The following UNC5D variants were observed in gnomAD, a reference collection of about 807,000 sequenced individuals.
The protein encoded by UNC5D is unc-5 netrin receptor D.
UNC5D carries 39 observed loss-of-function variants against 105.4 expected under a neutral mutation model. The ratio of observed to expected loss-of-function variants is 0.37; its 90% CI spans 0.29 to 0.48. The LOEUF is 0.48. Among genes scored for constraint, UNC5D ranks in the 20% least tolerant of loss-of-function variants. The pLI is 0.98. For synonymous variants in UNC5D, 452 were observed against 450.4 expected, an observed-to-expected ratio of 1.00 and a Z score of -0.04; for missense variants, 991 against 1,202.4, an observed-to-expected ratio of 0.82 and a Z score of 2.60.
At chr8:35,301,364 C>A (rs965196261) in intron 1 of UNC5D, among the ~76,000 whole-genome samples, 1 of 152,094 alleles carries the variant, frequency 6.6e-6, no homozygotes, top group African/African-American at 2.4e-5. Flanking sequence ...CTTATTGGTA[C>A]AAATGTTAAG....
At chr8:35,297,324 CCTT>C (rs1323640164) in intron 1 of UNC5D, among the ~76,000 whole-genome samples, 4 of 152,080 alleles carry the variant, frequency 2.6e-5, no homozygotes, top group Admixed American at 6.6e-5. Context: ...CCTGAAAAAG[CCTT>C]TCCTATTTTT....
intron 1 of UNC5D, among the ~76,000 whole-genome samples, chr8:35,436,438 C>T (rs1055320218): frequency 2.0e-5 from 3 of 151,992 alleles, no homozygotes; most frequent in Non-Finnish European, 4.4e-5. Flanking sequence ...TATTTTGGGG[C>T]TTATAATTCC....
intron 16 of UNC5D, among the ~76,000 whole-genome samples, chr8:35,777,609 T>G (rs1232416269): frequency 6.6e-6 from 1 of 152,176 alleles, no homozygotes; most frequent in African/African-American, 2.4e-5. Context: ...TTAGGCCATA[T>G]GGGATCTGTC....
intron 1 of UNC5D, among the ~76,000 whole-genome samples, chr8:35,248,998 TAA>T (rs1803471285): frequency 1.2e-5 from 1 of 85,358 alleles, no homozygotes; most frequent in African/African-American, 4.5e-5. Context: ...ATATTATATA[TAA>T]ACATATATAA....
At chr8:35,488,889 A>G (rs1811007479) in intron 1 of UNC5D, among the ~76,000 whole-genome samples, 1 of 152,134 alleles carries the variant, frequency 6.6e-6, no homozygotes, top group Non-Finnish European at 1.5e-5. Flanking sequence ...TTTGGAGTTG[A>G]TGATGGAATG....
At chr8:35,268,752 A>T (rs1336277009) in intron 1 of UNC5D, among the ~76,000 whole-genome samples, 4 of 152,180 alleles carry the variant, frequency 2.6e-5, no homozygotes, top group Non-Finnish European at 5.9e-5. Context: ...TTTAATGCTC[A>T]TAACACCCCT....
chr8:35,727,783 C>A (rs541774524), intron 10 of UNC5D: 1 of 152,026 alleles, frequency 6.6e-6, no homozygotes, highest in South Asian at 2.1e-4. Context: ...TGAATGCCTA[C>A]GCATGATTTA....
intron 1 of UNC5D, among the ~76,000 whole-genome samples, chr8:35,393,422 C>G (rs951866178): frequency 6.6e-6 from 1 of 151,974 alleles, no homozygotes; most frequent in Non-Finnish European, 1.5e-5. Flanking sequence ...CATGAGCCAC[C>G]GCGCCCGGCC....
chr8:35,320,609 TGTGATGCTGTACTA>T (rs1292516777), intron 1 of UNC5D, among the ~76,000 whole-genome samples: 1 of 152,152 alleles, frequency 6.6e-6, no homozygotes, highest in Non-Finnish European at 1.5e-5. Context: ...CCTGCTGTTA[TGTGATGCTGTACTA>T]GTGTCAGGCT....
intron 3 of UNC5D, among the ~76,000 whole-genome samples, chr8:35,572,141 A>G (rs1817768230): frequency 6.6e-6 from 1 of 151,998 alleles, no homozygotes; most frequent in African/African-American, 2.4e-5. Flanking sequence ...TACAGAAATT[A>G]GGCAGGCACA....
intron 4 of UNC5D, among the ~76,000 whole-genome samples, chr8:35,658,324 T>C (rs1245504718): frequency 6.6e-6 from 1 of 152,222 alleles, no homozygotes; most frequent in African/African-American, 2.4e-5. Flanking sequence ...TATGTCAGCA[T>C]GTACATCCAA....
chr8:35,605,298 C>CTGGAG (rs1820212083), intron 4 of UNC5D, among the ~76,000 whole-genome samples: 1 of 152,174 alleles, frequency 6.6e-6, no homozygotes, highest in Non-Finnish European at 1.5e-5. Flanking sequence ...TTGGGGTTTA[C>CTGGAG]TGGAGGTCCA....
intron 16 of UNC5D, among the ~76,000 whole-genome samples, chr8:35,779,364 TAAAC>T (rs1402139089): frequency 6.6e-6 from 1 of 152,230 alleles, no homozygotes. Flanking sequence ...AAATTACAAT[TAAAC>T]ATACTGAGAG....
chr8:35,257,625 G>C (rs1053877532), intron 1 of UNC5D, among the ~76,000 whole-genome samples: 2 of 152,154 alleles, frequency 1.3e-5, no homozygotes, highest in African/African-American at 4.8e-5. Context: ...ATAATAGTTG[G>C]TGGTATGAAT....
rs550211057 is a variant in UNC5D, at chr8:35,578,069, A to G, written c.466+9828A>G. Among the ~76,000 whole-genome samples, 553 of 151,978 alleles carry G rather than the reference A, an allele frequency of 3.6e-3. 1 individual carries two copies. Among genetic ancestry groups the G allele is most frequent in the Non-Finnish European group, 4.3e-3 (295 of 67,962 alleles). The stretch of plus-strand genomic sequence containing the variant: ...GTGAAACCTCATCTCTACTAAACAT[A>G]TAAAAATTAGCTAGGTGTGGTGGTG... On this transcript the variant is annotated intron_variant, in intron 3 of 16. Coordinates refer to ENST00000404895, the MANE Select transcript of UNC5D (RefSeq NM_080872.4).
intron 4 of UNC5D, among the ~76,000 whole-genome samples, chr8:35,676,225 A>G (rs1352702867): frequency 6.6e-6 from 1 of 152,208 alleles, no homozygotes; most frequent in African/African-American, 2.4e-5. Context: ...ACTGGAAAAA[A>G]AATCTACAAA....
intron 1 of UNC5D, among the ~76,000 whole-genome samples, chr8:35,248,832 T>C (rs1223155134): frequency 6.5e-5 from 6 of 91,744 alleles, no homozygotes; most frequent in Non-Finnish European, 1.1e-4. Context: ...ATATTTATAT[T>C]TTAAAAATAT....
chr8:35,388,782 A>G (rs909349544), intron 1 of UNC5D, among the ~76,000 whole-genome samples: 7 of 152,222 alleles, frequency 4.6e-5, no homozygotes, highest in Admixed American at 3.9e-4. Flanking sequence ...AATAGTTGTT[A>G]TCTTTGGCTT....
At chr8:35,484,043 C>T (rs2589749) in intron 1 of UNC5D, among the ~76,000 whole-genome samples, 70,280 of 151,948 alleles carry the variant, frequency 0.46, 20,369 homozygotes, top group African/African-American at 0.82. Flanking sequence ...CAATTGACAA[C>T]ATAATCATAT....
Sources: gnomAD v4.1 joint callset for allele counts (sites outside exome capture counted in the v4.1 genomes callset) on GRCh38, gnomAD v4.1.1 for gene constraint, MANE v1.5 for transcripts, NCBI Gene and HGNC (gene_info 2026-07-23, HGNC 2026-07-21) for gene names.